The following ENTREP2 variants were observed in gnomAD, a reference collection of about 807,000 sequenced individuals.
ENTREP2 encodes endosomal transmembrane epsin interactor 2.
At chr15:29,639,990 A>T in the ENTREP2 span, among the ~76,000 whole-genome samples, 1 of 152,132 alleles carries the variant, frequency 6.6e-6, no homozygotes, top group South Asian at 2.1e-4. Context: ...GCTGGTCATG[A>T]ACTCCTGACG....
At chr15:29,120,180 C>T in the ENTREP2 span, 2 of 152,258 alleles carry the variant, frequency 1.3e-5, no homozygotes, top group African/African-American at 4.8e-5. Flanking sequence ...CCTCTCAGGA[C>T]CCTGCCCCTG....
chr15:29,410,248 C>G, the ENTREP2 span, among the ~76,000 whole-genome samples: 3 of 152,166 alleles, frequency 2.0e-5, no homozygotes, highest in Non-Finnish European at 4.4e-5. Context: ...ATACTTAGTT[C>G]ATCTCCGCAA....
At chr15:29,281,173 G>A in the ENTREP2 span, among the ~76,000 whole-genome samples, 4 of 152,108 alleles carry the variant, frequency 2.6e-5, no homozygotes, top group African/African-American at 9.7e-5. Flanking sequence ...CACCTGTTAC[G>A]CTTAATCCTT....
At chr15:29,615,673 A>ATC in the ENTREP2 span, among the ~76,000 whole-genome samples, 3 of 152,062 alleles carry the variant, frequency 2.0e-5, no homozygotes, top group Non-Finnish European at 4.4e-5. Flanking sequence ...GCAACATCTC[A>ATC]TCTCTTCCTT....
chr15:29,380,718 T>A, the ENTREP2 span, among the ~76,000 whole-genome samples: 1 of 152,188 alleles, frequency 6.6e-6, no homozygotes, highest in East Asian at 1.9e-4. Context: ...AATTTTAGGG[T>A]TCCCCCAAAA....
the ENTREP2 span, among the ~76,000 whole-genome samples, chr15:29,132,728 G>A: frequency 6.6e-6 from 1 of 152,190 alleles, no homozygotes; most frequent in Non-Finnish European, 1.5e-5. Context: ...ATTCCTTCCG[G>A]GGGCCGCTGT....
chr15:29,589,067 T>G, the ENTREP2 span, among the ~76,000 whole-genome samples: 1 of 151,696 alleles, frequency 6.6e-6, no homozygotes, highest in Non-Finnish European at 1.5e-5. Flanking sequence ...GATAAAACCA[T>G]ACAGAAATGA....
chr15:29,326,124 C>T, the ENTREP2 span, among the ~76,000 whole-genome samples: 16,681 of 152,088 alleles, frequency 0.11, 2,985 homozygotes, highest in African/African-American at 0.38. Context: ...GCTAACATCA[C>T]ACCTAATAAT....
the ENTREP2 span, among the ~76,000 whole-genome samples, chr15:29,149,464 C>T: frequency 6.6e-6 from 1 of 152,232 alleles, no homozygotes; most frequent in Non-Finnish European, 1.5e-5. Flanking sequence ...GGGTGAACTG[C>T]GGAAGCTACT....
chr15:29,260,352 T>C, the ENTREP2 span, among the ~76,000 whole-genome samples: 74,539 of 151,978 alleles, frequency 0.49, 20,432 homozygotes, highest in South Asian at 0.63. Flanking sequence ...GATTAAATCA[T>C]ACAAAGTACC....
the ENTREP2 span, among the ~76,000 whole-genome samples, chr15:29,465,836 ACTT>A: frequency 6.6e-6 from 1 of 152,190 alleles, no homozygotes; most frequent in Non-Finnish European, 1.5e-5. Context: ...TACCTGACCG[ACTT>A]CTTCTTTCGA....
the ENTREP2 span, among the ~76,000 whole-genome samples, chr15:29,159,304 C>T: frequency 6.6e-6 from 1 of 152,120 alleles, no homozygotes; most frequent in Admixed American, 6.5e-5. Context: ...TTCGTGGTCT[C>T]GCTGGCTCCA....
At chr15:29,497,176 C>A in the ENTREP2 span, among the ~76,000 whole-genome samples, 2 of 152,138 alleles carry the variant, frequency 1.3e-5, no homozygotes, top group Non-Finnish European at 2.9e-5. Context: ...AGGATCCTCA[C>A]CAGATGTGGG....
the ENTREP2 span, among the ~76,000 whole-genome samples, chr15:29,259,495 C>T: frequency 3.9e-5 from 6 of 152,182 alleles, no homozygotes; most frequent in Non-Finnish European, 7.3e-5. Context: ...CTTGAAGACA[C>T]CCTGTGTCCC....
At chr15:29,262,115 T>A in the ENTREP2 span, among the ~76,000 whole-genome samples, 1 of 147,036 alleles carries the variant, frequency 6.8e-6, no homozygotes, top group Non-Finnish European at 1.5e-5. Flanking sequence ...CAAAAAATAA[T>A]TCTGGGAGTA....
chr15:29,298,970 A>T, the ENTREP2 span, among the ~76,000 whole-genome samples: 1 of 152,248 alleles, frequency 6.6e-6, no homozygotes, highest in South Asian at 2.1e-4. Flanking sequence ...ACAAAACTTT[A>T]ACAAACGTGA....
chr15:29,492,317 T>C, the ENTREP2 span, among the ~76,000 whole-genome samples: 1 of 152,252 alleles, frequency 6.6e-6, no homozygotes, highest in Non-Finnish European at 1.5e-5. Flanking sequence ...CACTGATTAT[T>C]ACCTGGCATT....
chr15:29,304,755 C>G, the ENTREP2 span, among the ~76,000 whole-genome samples: 1 of 152,162 alleles, frequency 6.6e-6, no homozygotes. Context: ...GATCCCCTCT[C>G]TTTCCTCCCC....
the ENTREP2 span, among the ~76,000 whole-genome samples, chr15:29,532,043 A>C: frequency 6.6e-6 from 1 of 152,320 alleles, no homozygotes; most frequent in Non-Finnish European, 1.5e-5. Flanking sequence ...CTTAAAATCT[A>C]CTCAGCAATT....
Sources: gnomAD v4.1 joint callset for allele counts (sites outside exome capture counted in the v4.1 genomes callset) on GRCh38, gnomAD v4.1.1 for gene constraint, MANE v1.5 for transcripts, NCBI Gene and HGNC (gene_info 2026-07-23, HGNC 2026-07-21) for gene names.